KCNIP4: variants seen among roughly 807,000 people sequenced by gnomAD.
KCNIP4 encodes the protein potassium voltage-gated channel interacting protein 4, also known as Kv channel-interacting protein 4.
Under a neutral mutation model 34.0 loss-of-function variants are expected in KCNIP4, and 12 were observed. That is an observed-to-expected ratio of 0.35 (90% confidence interval 0.23 to 0.57). The LOEUF (loss-of-function observed/expected upper bound fraction) is 0.57, where lower values mean the gene tolerates loss of function less well. Ranked by LOEUF, KCNIP4 falls within the 20% of genes least tolerant of loss-of-function variation. The pLI, the probability that KCNIP4 is intolerant of heterozygous loss-of-function variation, is 0.83. For synonymous variants in KCNIP4, 124 were observed against 102.2 expected (o/e 1.21, Z -1.29); for missense variants, 238 against 311.7 (o/e 0.76, Z 1.78).
intron 1 of KCNIP4, among the ~76,000 whole-genome samples, chr4:20,916,986 TATATATATATATATATATATATA>T (rs1423164076): frequency 3.4e-4 from 27 of 78,900 alleles, no homozygotes; most frequent in South Asian, 6.0e-4. Flanking sequence ...ATCTTATGTT[TATATATATATATATATATATATA>T]TATATATATA....
intron 1 of KCNIP4, among the ~76,000 whole-genome samples, chr4:21,687,217 C>G (rs939583083): frequency 2.1e-5 from 3 of 143,460 alleles, no homozygotes; most frequent in African/African-American, 7.7e-5. Flanking sequence ...ATACCTAATG[C>G]TAGATGACGC....
At chr4:20,811,469 A>G (rs924226127) in intron 3 of KCNIP4, among the ~76,000 whole-genome samples, 1 of 150,328 alleles carries the variant, frequency 6.7e-6, no homozygotes, top group Non-Finnish European at 1.5e-5. Context: ...ATGCACATAG[A>G]TGCATTCTGA....
chr4:21,902,349 G>T (rs540242428), intron 1 of KCNIP4, among the ~76,000 whole-genome samples: 1 of 152,218 alleles, frequency 6.6e-6, no homozygotes, highest in East Asian at 1.9e-4. Context: ...AATATTTGAA[G>T]TTTTGTCCTT....
At chr4:21,776,115 G>A (rs755364964) in intron 1 of KCNIP4, among the ~76,000 whole-genome samples, 23 of 152,180 alleles carry the variant, frequency 1.5e-4, no homozygotes, top group Non-Finnish European at 2.6e-4. Context: ...GCACAGTTCC[G>A]TGGAAAAAGC....
intron 1 of KCNIP4, among the ~76,000 whole-genome samples, chr4:21,582,603 T>G (rs556876982): frequency 5.3e-5 from 8 of 152,040 alleles, no homozygotes; most frequent in Non-Finnish European, 1.2e-4. Flanking sequence ...AATACAAGTT[T>G]AAAAATTTCT....
At chr4:20,961,546 A>G (rs1733851073) in intron 1 of KCNIP4, among the ~76,000 whole-genome samples, 1 of 152,328 alleles carries the variant, frequency 6.6e-6, no homozygotes, top group East Asian at 1.9e-4. Flanking sequence ...TTTAAAAAAA[A>G]CAAAAGGAAA....
At chr4:20,760,532 A>C (rs1040574247) in intron 3 of KCNIP4, among the ~76,000 whole-genome samples, 1 of 152,164 alleles carries the variant, frequency 6.6e-6, no homozygotes, top group African/African-American at 2.4e-5. Context: ...GAAAGGTAGG[A>C]CCTTTGATAC....
chr4:20,753,615 G>A (rs1470198522), intron 4 of KCNIP4, among the ~76,000 whole-genome samples: 3 of 152,038 alleles, frequency 2.0e-5, no homozygotes, highest in Admixed American at 6.6e-5. Flanking sequence ...ATTCAAGCAC[G>A]AGGAATAGAA....
chr4:21,375,553 C>T (rs534012991), intron 1 of KCNIP4, among the ~76,000 whole-genome samples: 4 of 138,170 alleles, frequency 2.9e-5, no homozygotes, highest in African/African-American at 1.1e-4. Context: ...CATTGTTACC[C>T]TTTTTGTGAA....
chr4:21,776,583 T>C (rs1051853385), intron 1 of KCNIP4, among the ~76,000 whole-genome samples: 1 of 152,138 alleles, frequency 6.6e-6, no homozygotes, highest in Non-Finnish European at 1.5e-5. Context: ...ATAAGGGAAC[T>C]TGAGTTAATG....
intron 1 of KCNIP4, among the ~76,000 whole-genome samples, chr4:21,412,527 G>C (rs1159871564): frequency 6.6e-6 from 1 of 152,198 alleles, no homozygotes; most frequent in Admixed American, 6.5e-5. Context: ...AAAACAGGGA[G>C]AGACCATAAC....
chr4:21,224,982 T>C (rs896210495), intron 1 of KCNIP4, among the ~76,000 whole-genome samples: 5 of 152,194 alleles, frequency 3.3e-5, no homozygotes, highest in African/African-American at 1.2e-4. Context: ...CACCTTATTA[T>C]AAAATAGACC....
chr4:20,946,445 A>C (rs1202064400), intron 1 of KCNIP4, among the ~76,000 whole-genome samples: 1 of 152,152 alleles, frequency 6.6e-6, no homozygotes, highest in Non-Finnish European at 1.5e-5. Flanking sequence ...ACGAGTTAGC[A>C]AGGTTGAGCT....
At chr4:21,487,821 G>C (rs780247247) in intron 1 of KCNIP4, among the ~76,000 whole-genome samples, 2 of 151,918 alleles carry the variant, frequency 1.3e-5, no homozygotes, top group Non-Finnish European at 2.9e-5. Flanking sequence ...CGTTCACTTG[G>C]CTCCTCTGTC....
At chr4:21,176,264 A>G (rs1754401412) in intron 1 of KCNIP4, among the ~76,000 whole-genome samples, 2 of 152,162 alleles carry the variant, frequency 1.3e-5, no homozygotes. Context: ...CTCCTCTGAA[A>G]AGTGAGAAAG....
intron 1 of KCNIP4, among the ~76,000 whole-genome samples, chr4:21,696,089 C>T (rs969568968): frequency 3.9e-5 from 6 of 151,974 alleles, no homozygotes; most frequent in Non-Finnish European, 7.4e-5. Context: ...ATTCACATTA[C>T]CTAAAGATTA....
intron 3 of KCNIP4, among the ~76,000 whole-genome samples, chr4:20,805,309 T>C (rs567170383): frequency 7.4e-5 from 11 of 149,436 alleles, no homozygotes; most frequent in African/African-American, 2.5e-4. Flanking sequence ...GTGCTAGTAT[T>C]ACAGGAATAA....
intron 1 of KCNIP4, among the ~76,000 whole-genome samples, chr4:21,139,844 C>A (rs1751806465): frequency 6.6e-6 from 1 of 152,174 alleles, no homozygotes. Flanking sequence ...ACCTATGACA[C>A]TATTTTTAGA....
At chr4:21,545,405 C>G (rs1242576891) in intron 1 of KCNIP4, among the ~76,000 whole-genome samples, 1 of 152,100 alleles carries the variant, frequency 6.6e-6, no homozygotes, top group Admixed American at 6.6e-5. Context: ...TATTATTACA[C>G]TTTAAGTTCT....
Sources: allele counts gnomAD v4.1 joint callset (sites outside exome capture counted in the v4.1 genomes callset), GRCh38; gene constraint gnomAD v4.1.1; transcripts MANE v1.5; gene names NCBI Gene and HGNC (gene_info 2026-07-23, HGNC 2026-07-21).